Variants in GRID2 observed in about 807,000 individuals in gnomAD.
The protein encoded by GRID2 is glutamate receptor ionotropic, delta-2.
GRID2 carries 33 observed loss-of-function variants against 114.8 expected under a neutral mutation model. That is an observed-to-expected ratio of 0.29 (90% CI 0.22 to 0.38). The LOEUF (loss-of-function observed/expected upper bound fraction) is 0.38. GRID2 is among the 10% of genes least tolerant of loss of function. The pLI is 1.00. For missense variants in GRID2, 1,184 were observed against 1,257.7 expected (o/e 0.94, Z 0.89); for synonymous variants, 505 against 449.9 (o/e 1.12, Z -1.55).
chr4:92,684,042 A>G (rs922226373), intron 2 of GRID2, among the ~76,000 whole-genome samples: 13 of 152,054 alleles, frequency 8.5e-5, no homozygotes, highest in African/African-American at 3.1e-4. Context: ...ATCAATGGAT[A>G]AAATAAATTC....
intron 14 of GRID2, among the ~76,000 whole-genome samples, chr4:93,628,283 T>G (rs1027631140): frequency 6.6e-6 from 1 of 152,178 alleles, no homozygotes; most frequent in Admixed American, 6.5e-5. Flanking sequence ...GTTGGAGATA[T>G]AAGACCCATG....
chr4:92,612,886 C>T (rs1729824746), intron 2 of GRID2, among the ~76,000 whole-genome samples: 1 of 151,258 alleles, frequency 6.6e-6, no homozygotes, highest in East Asian at 1.9e-4. Context: ...ATTTACAGTC[C>T]TTCCTTTTAA....
chr4:93,120,443 C>G (rs1733675350), intron 4 of GRID2, among the ~76,000 whole-genome samples: 1 of 152,218 alleles, frequency 6.6e-6, no homozygotes, highest in Admixed American at 6.5e-5. Context: ...ATGCCCTTTG[C>G]AGCGAGATGG....
intron 1 of GRID2, among the ~76,000 whole-genome samples, chr4:92,375,190 T>G (rs569043154): frequency 1.3e-5 from 2 of 152,308 alleles, no homozygotes; most frequent in Admixed American, 1.3e-4. Flanking sequence ...AAAATTGATA[T>G]AATTTATAAA....
At chr4:92,891,635 A>C (rs1189671828) in intron 2 of GRID2, among the ~76,000 whole-genome samples, 4 of 152,198 alleles carry the variant, frequency 2.6e-5, no homozygotes, top group African/African-American at 9.6e-5. Context: ...AGCTAGGTAC[A>C]TAGAAAGGAA....
In GRID2 at chr4:92,309,275, T is replaced by G. The variant is rs779915999; in HGVS notation, c.88+4531T>G. On this transcript the variant is annotated intron_variant, in intron 1 of 15. Transcript: ENST00000282020. ...TTTTATCTTAAAGGGCCATTGCAATTTCAAAAGCACACTTTTTAATCCAGA... is the reference window on the plus strand; with the variant it reads ...TTTTATCTTAAAGGGCCATTGCAATGTCAAAAGCACACTTTTTAATCCAGA... Among the ~76,000 whole-genome samples, 12 of 151,948 alleles carry G rather than the reference T, an allele frequency of 7.9e-5. 1 individual carries two copies. Among genetic ancestry groups the G allele is most frequent in the Non-Finnish European group, 1.5e-4 (10 of 67,878 alleles).
intron 13 of GRID2, among the ~76,000 whole-genome samples, chr4:93,587,795 A>C (rs1189067156): frequency 6.6e-6 from 1 of 152,156 alleles, no homozygotes; most frequent in Non-Finnish European, 1.5e-5. Context: ...AGTAAATTAC[A>C]TATAAATGCA....
intron 14 of GRID2, among the ~76,000 whole-genome samples, chr4:93,656,741 A>C (rs1455466390): frequency 7.5e-6 from 1 of 132,880 alleles, no homozygotes; most frequent in African/African-American, 2.7e-5. Flanking sequence ...GAGGCAGGAG[A>C]ATGCCGTGAA....
intron 2 of GRID2, among the ~76,000 whole-genome samples, chr4:93,054,154 A>G (rs563851050): frequency 9.9e-5 from 15 of 152,014 alleles, no homozygotes; most frequent in African/African-American, 3.6e-4. Context: ...AAACTAAACC[A>G]TTTTTTCAAA....
At chr4:92,946,341 C>T (rs1325926084) in intron 2 of GRID2, among the ~76,000 whole-genome samples, 1 of 152,024 alleles carries the variant, frequency 6.6e-6, no homozygotes, top group Non-Finnish European at 1.5e-5. Context: ...TTTACCCACT[C>T]TTCTCTTGCC....
chr4:92,402,412 C>A (rs1730829266), intron 1 of GRID2, among the ~76,000 whole-genome samples: 1 of 152,086 alleles, frequency 6.6e-6, no homozygotes. Context: ...GCAGGTATCA[C>A]CTTATGAAAT....
At chr4:93,547,372 G>A (rs995201756) in intron 13 of GRID2, among the ~76,000 whole-genome samples, 1 of 152,022 alleles carries the variant, frequency 6.6e-6, no homozygotes, top group African/African-American at 2.4e-5. Flanking sequence ...TTTTTAACTT[G>A]GCACTACATT....
intron 2 of GRID2, among the ~76,000 whole-genome samples, chr4:92,669,674 C>A (rs1326165336): frequency 6.6e-6 from 1 of 151,936 alleles, no homozygotes; most frequent in African/African-American, 2.4e-5. Context: ...AAACTAATAG[C>A]GCCCTTTCCT....
intron 14 of GRID2, among the ~76,000 whole-genome samples, chr4:93,723,510 T>C (rs1034052413): frequency 2.6e-5 from 4 of 152,216 alleles, no homozygotes; most frequent in Non-Finnish European, 4.4e-5. Flanking sequence ...GGACTGACCA[T>C]AGTGACCATA....
chr4:92,698,293 G>A (rs1734515015), intron 2 of GRID2, among the ~76,000 whole-genome samples: 1 of 152,110 alleles, frequency 6.6e-6, no homozygotes, highest in Non-Finnish European at 1.5e-5. Flanking sequence ...AAATGGTAAA[G>A]AAGTAAAGTC....
intron 8 of GRID2, among the ~76,000 whole-genome samples, chr4:93,371,737 ATTTC>A (rs1762933324): frequency 9.4e-6 from 1 of 106,152 alleles, no homozygotes; most frequent in Non-Finnish European, 1.9e-5. Flanking sequence ...CATAATCACT[ATTTC>A]TTTTTTTTTT....
chr4:92,973,087 A>C (rs569043735), intron 2 of GRID2, among the ~76,000 whole-genome samples: 1 of 152,258 alleles, frequency 6.6e-6, no homozygotes, highest in East Asian at 1.9e-4. Context: ...ATGTGTCTTT[A>C]TAATAGAATG....
intron 1 of GRID2, among the ~76,000 whole-genome samples, chr4:92,479,490 A>G (rs1340398866): frequency 2.0e-5 from 3 of 152,176 alleles, no homozygotes; most frequent in African/African-American, 4.8e-5. Context: ...AGCATTTTCA[A>G]TACCTCCGTA....
At chr4:93,654,885 A>G (rs983643204) in intron 14 of GRID2, among the ~76,000 whole-genome samples, 3 of 152,180 alleles carry the variant, frequency 2.0e-5, no homozygotes, top group African/African-American at 7.2e-5. Flanking sequence ...GAGAAATTTT[A>G]GCATGAAATC....
Sources: allele counts gnomAD v4.1 joint callset (sites outside exome capture counted in the v4.1 genomes callset), GRCh38; gene constraint gnomAD v4.1.1; transcripts MANE v1.5; gene names NCBI Gene and HGNC (gene_info 2026-07-23, HGNC 2026-07-21).